DGKI: variants seen among roughly 807,000 people sequenced by gnomAD.
The protein encoded by DGKI is diacylglycerol kinase iota.
In DGKI, 55 loss-of-function variants were observed where a neutral mutation model predicts 147.5. The ratio of observed to expected loss-of-function variants is 0.37; its 90% CI spans 0.30 to 0.47. The LOEUF is 0.47. DGKI is among the 20% of genes least tolerant of loss of function. DGKI has a pLI of 1.00. For synonymous variants in DGKI, 469 were observed against 477.1 expected, an observed-to-expected ratio of 0.98 and a Z score of 0.22; for missense variants, 1,007 against 1,323.8, an observed-to-expected ratio of 0.76 and a Z score of 3.71.
intron 6 of DGKI, 32 bp downstream of exon 6, chr7:137,645,440 C>G (rs1306257802): frequency 6.2e-7 from 1 of 1,605,096 alleles, no homozygotes; most frequent in Non-Finnish European, 8.5e-7. Context: ...TGGGGAGCCT[C>G]CTGCGAGGCC....
intron 20 of DGKI, among the ~76,000 whole-genome samples, chr7:137,530,885 C>T (rs1817315937): frequency 6.6e-6 from 1 of 152,058 alleles, no homozygotes; most frequent in African/African-American, 2.4e-5. Flanking sequence ...CTCTGGCTTG[C>T]CCCTGCTTAA....
chr7:137,832,608 G>T (rs28892326), intron 1 of DGKI, among the ~76,000 whole-genome samples: 27,139 of 152,206 alleles, frequency 0.18, 7,510 homozygotes, highest in African/African-American at 0.59. Context: ...CTCCTAGGCC[G>T]CTGGGCCTGT....
chr7:137,800,506 C>T (rs766743424), intron 1 of DGKI, among the ~76,000 whole-genome samples: 2 of 152,156 alleles, frequency 1.3e-5, no homozygotes, highest in Non-Finnish European at 2.9e-5. Context: ...TCGATTTCCG[C>T]CATGATTGGA....
At chr7:137,535,417 A>G (rs1817483896) in intron 20 of DGKI, among the ~76,000 whole-genome samples, 1 of 152,140 alleles carries the variant, frequency 6.6e-6, no homozygotes, top group African/African-American at 2.4e-5. Context: ...CTCTAAAGTC[A>G]GATTTCTATT....
chr7:137,649,583 T>C lies in DGKI; in HGVS notation c.739-4046A>G, dbSNP rs980082891. Among the ~76,000 whole-genome samples, 8 of 152,080 alleles carry C rather than the reference T, an allele frequency of 5.3e-5. No individual in the cohort carries two copies. The South Asian group carries it at 1.2e-3, about 24-fold the overall frequency. ...CAGTATTGTTAGCAAAAATACACAA[T>C]ACAATTGCTTGGCTATTTTCAAACA... On this transcript the variant is annotated intron_variant, in intron 5 of 32. Coordinates refer to ENST00000614521, the MANE Select transcript of DGKI (RefSeq NM_001321708.2).
chr7:137,469,480 C>G, intron 24 of DGKI, 70 bp downstream of exon 24: 3 of 1,491,642 alleles, frequency 2.0e-6, no homozygotes, highest in Non-Finnish European at 2.8e-6. Flanking sequence ...TAGAGCCCAC[C>G]CTATCAATTG....
chr7:137,399,256 TAAATA>T, intron 30 of DGKI, among the ~76,000 whole-genome samples: 1 of 152,346 alleles, frequency 6.6e-6, no homozygotes, highest in Admixed American at 6.5e-5. Flanking sequence ...ATGCCTTCCA[TAAATA>T]AATTATTCTA....
chr7:137,571,145 T>C (rs781119112), intron 19 of DGKI, 30 bp downstream of exon 19: 24 of 1,490,408 alleles, frequency 1.6e-5, no homozygotes, highest in Non-Finnish European at 9.1e-7. Flanking sequence ...AAAATACATT[T>C]CATTTTAATA....
chr7:137,645,126 C>G lies in DGKI; in HGVS notation c.804+346G>C, dbSNP rs535360230. On this transcript the variant is annotated intron_variant, in intron 6 of 32. Coordinates refer to ENST00000614521, the MANE Select transcript of DGKI (RefSeq NM_001321708.2). ...TTATATTAGCAAACGTAGTGTTGCT[C>G]AAACCCATTGATTTGCTGCGATTGG... Among the ~76,000 whole-genome samples, 6 of 152,322 alleles carry G rather than the reference C, an allele frequency of 3.9e-5. No homozygotes were observed. The South Asian group carries it at 1.2e-3, about 32-fold the overall frequency.
intron 23 of DGKI, among the ~76,000 whole-genome samples, chr7:137,474,800 C>T (rs566301999): frequency 1.3e-5 from 2 of 152,226 alleles, no homozygotes; most frequent in East Asian, 1.9e-4. Flanking sequence ...CCAGAGGCGG[C>T]GGAAGGCTGA....
chr7:137,814,898 A>G (rs1043441891), intron 1 of DGKI, among the ~76,000 whole-genome samples: 4 of 152,136 alleles, frequency 2.6e-5, no homozygotes, highest in Non-Finnish European at 5.9e-5. Flanking sequence ...CTAAAAGAAA[A>G]TACACTCCTT....
At chr7:137,806,436 C>T (rs1032224685) in intron 1 of DGKI, among the ~76,000 whole-genome samples, 5 of 151,782 alleles carry the variant, frequency 3.3e-5, no homozygotes, top group African/African-American at 9.7e-5. Context: ...TGAACCTTTG[C>T]TTCTTTTTTT....
Position 137,384,735 on chromosome 7 carries a change from T to C in DGKI, c.*6485A>G, listed in dbSNP as rs531470143. On this transcript the variant is annotated 3_prime_UTR_variant, in exon 33 of 33. Coordinates refer to ENST00000614521, the MANE Select transcript of DGKI (RefSeq NM_001321708.2). ...TTGAAACTGTTCTTAACAAACAGTA[T>C]AGATTTGAGTTGTTTATACTGTCAT... 6.6e-6 allele frequency: 1 copy of C among 152,212 alleles called. No individual in the cohort carries two copies. Among genetic ancestry groups the C allele is most frequent in the African/African-American group, 2.4e-5 (1 of 41,550 alleles). The allele number at this position is 152,212 out of a possible 1,614,324, so 9.4% of individuals were successfully genotyped here. A position where few individuals can be genotyped will look rare whatever the true frequency, so the allele number is the denominator to read the frequency against.
intron 3 of DGKI, among the ~76,000 whole-genome samples, chr7:137,672,584 C>T (rs1822880392): frequency 6.6e-6 from 1 of 152,040 alleles, no homozygotes; most frequent in South Asian, 2.1e-4. Context: ...AGTCTGAAAT[C>T]AAGGTTTCAA....
chr7:137,840,717 G>C lies in DGKI; in HGVS notation c.401+5745C>G, dbSNP rs539663041. Among the ~76,000 whole-genome samples, 3 of 152,330 alleles carry C rather than the reference G, an allele frequency of 2.0e-5. No individual in the cohort carries two copies. In the East Asian group the frequency reaches 5.8e-4, roughly 29 times the overall value. ...AAGTGTAAATAAGAAAAAGGCAGAG[G>C]TTTCTTTAGTAGAAAAGAAACTCAC... On this transcript the variant is annotated intron_variant, in intron 1 of 32. Transcript: ENST00000614521.
intron 1 of DGKI, among the ~76,000 whole-genome samples, chr7:137,798,112 T>G (rs1170310549): frequency 6.6e-6 from 1 of 152,002 alleles, no homozygotes; most frequent in African/African-American, 2.4e-5. Context: ...AAAATTCCTA[T>G]AAAGACATAA....
chr7:137,506,019 A>ACAGC (rs1816356825), intron 21 of DGKI, among the ~76,000 whole-genome samples: 1 of 152,144 alleles, frequency 6.6e-6, no homozygotes, highest in African/African-American at 2.4e-5. Context: ...GAAATAGAAA[A>ACAGC]CAGCACAGCC....
chr7:137,493,894 G>C, intron 21 of DGKI: 1 of 634,292 alleles, frequency 1.6e-6, no homozygotes, highest in South Asian at 1.8e-5. Flanking sequence ...TCGAGATTCA[G>C]GAGAAAGTTA....
chr7:137,473,716 GA>G (rs1815066324), intron 23 of DGKI, among the ~76,000 whole-genome samples: 1 of 152,046 alleles, frequency 6.6e-6, no homozygotes, highest in African/African-American at 2.4e-5. Flanking sequence ...TTTTTACATG[GA>G]AAGACTCAAC....
Sources: allele counts gnomAD v4.1 joint callset (sites outside exome capture counted in the v4.1 genomes callset), GRCh38; gene constraint gnomAD v4.1.1; transcripts MANE v1.5; gene names NCBI Gene and HGNC (gene_info 2026-07-23, HGNC 2026-07-21).